GRIP1: variants seen among roughly 807,000 people sequenced by gnomAD.
GRIP1 encodes the protein glutamate receptor-interacting protein 1.
A neutral mutation model predicts 129.9 loss-of-function variants in GRIP1; 45 were observed. The ratio of observed to expected loss-of-function variants is 0.35; its 90% CI spans 0.27 to 0.44. The LOEUF (loss-of-function observed/expected upper bound fraction) is 0.44. Ranked by LOEUF, GRIP1 falls within the 20% of genes least tolerant of loss-of-function variation. GRIP1 has a pLI of 1.00. For synonymous variants in GRIP1, 530 were observed against 520.8 expected (o/e 1.02, Z -0.24); for missense variants, 1,196 against 1,396.8 (o/e 0.86, Z 2.29).
chr12:66,588,736 C>T (rs1255775525), intron 2 of GRIP1, among the ~76,000 whole-genome samples: 15 of 151,846 alleles, frequency 9.9e-5, no homozygotes, highest in Non-Finnish European at 1.8e-4. Flanking sequence ...TTTGGGAGGC[C>T]GAGGCAGGTA....
intron 15 of GRIP1, among the ~76,000 whole-genome samples, chr12:66,410,255 A>AAAG (rs2057347018): frequency 1.3e-5 from 2 of 148,206 alleles, no homozygotes; most frequent in African/African-American, 4.9e-5. Context: ...GTCTCAAAAA[A>AAAG]AAAAAAAAAA....
rs578012033 is a variant in GRIP1, at chr12:66,353,670, T to C, written c.3013-107A>G. On this transcript the variant is annotated intron_variant, in intron 23 of 24. Transcript: ENST00000359742. ...ACACGAATTTAGTCACATCATGATT[T>C]GTAATATCAGCATCAGTCAGCTCCC... 2.5e-5 allele frequency: 25 copies of C among 992,046 alleles called. No individual in the cohort carries two copies. In the South Asian group the frequency reaches 3.2e-4, roughly 13 times the overall value. 61.5% of individuals were successfully genotyped at this position (992,046 alleles called of 1,614,324 possible). A position where few individuals can be genotyped will look rare whatever the true frequency, so the allele number is the denominator to read the frequency against.
At chr12:66,654,812 C>A (rs1422457384) in intron 1 of GRIP1, among the ~76,000 whole-genome samples, 1 of 152,024 alleles carries the variant, frequency 6.6e-6, no homozygotes, top group Non-Finnish European at 1.5e-5. Flanking sequence ...TCATAAGGAA[C>A]AGATTGGGTT....
chr12:66,874,050 G>C (rs1181812317), intron 1 of GRIP1, among the ~76,000 whole-genome samples: 3 of 152,092 alleles, frequency 2.0e-5, no homozygotes, highest in Non-Finnish European at 4.4e-5. Context: ...TCATCAGCAT[G>C]TGATCTGGTG....
At chr12:66,529,794 A>AT (rs746564949) in intron 5 of GRIP1, 37 bp downstream of exon 5, 100 of 1,103,940 alleles carry the variant, frequency 9.1e-5, no homozygotes, top group Non-Finnish European at 1.2e-4. Context: ...CTATGGAAAT[A>AT]TTTTTTTTAA....
upstream of GRIP1, among the ~76,000 whole-genome samples, chr12:66,680,733 C>T (rs894257090): frequency 1.3e-5 from 2 of 152,074 alleles, no homozygotes; most frequent in Non-Finnish European, 2.9e-5. Flanking sequence ...CAAGATTCTT[C>T]TCCAAATCTA....
intron 7 of GRIP1, among the ~76,000 whole-genome samples, chr12:66,472,528 G>T (rs922659739): frequency 6.6e-5 from 10 of 152,136 alleles, no homozygotes; most frequent in African/African-American, 2.4e-4. Context: ...TTATCTGGTG[G>T]CTGGCAAGAT....
intron 1 of GRIP1, among the ~76,000 whole-genome samples, chr12:66,734,085 A>G (rs1565994228): frequency 6.6e-6 from 1 of 152,172 alleles, no homozygotes. Context: ...TTGCTTTGTA[A>G]ATCCTGAGAT....
Position 66,451,383 on chromosome 12 carries a change from GTTTTTTTTTTTTTTTTTTTTTT to G in GRIP1, c.1354+4004_1354+4025del, listed in dbSNP as rs1169331519. Among the ~76,000 whole-genome samples the G allele has an allele frequency of 3.8e-4, 16 of 42,656 alleles. 1 individual carries two copies. The highest frequency in any genetic ancestry group is 1.6e-3 in the South Asian group (2 of 1,272). 28.0% of individuals were successfully genotyped at this position (42,656 alleles called of 152,430 possible). A position where few individuals can be genotyped will look rare whatever the true frequency, so the allele number is the denominator to read the frequency against. ...CCCCAAAGATTTATTATTATAATCT[GTTTTTTTTTTTTTTTTTTTTTT>G]TTTTTTTTTTTTTTTTCAGATAGGC... On this transcript the variant is annotated intron_variant, in intron 11 of 24. Coordinates refer to ENST00000359742, the MANE Select transcript of GRIP1 (RefSeq NM_001366722.1).
chr12:66,833,832 T>C (rs1325013945), intron 1 of GRIP1, among the ~76,000 whole-genome samples: 2 of 152,142 alleles, frequency 1.3e-5, no homozygotes, highest in East Asian at 3.9e-4. Flanking sequence ...AGACAAAATA[T>C]ATCAAAGGCT....
chr12:66,371,566 G>GT, intron 23 of GRIP1, 128 bp downstream of exon 23: 2 of 733,938 alleles, frequency 2.7e-6, no homozygotes, highest in Non-Finnish European at 5.0e-6. Context: ...CTGAAGATCT[G>GT]TTTTTAAGCT....
At chr12:66,839,236 T>C (rs2039671924) in intron 1 of GRIP1, among the ~76,000 whole-genome samples, 1 of 152,076 alleles carries the variant, frequency 6.6e-6, no homozygotes, top group South Asian at 2.1e-4. Context: ...AAAATGGACA[T>C]TTGAAATAAT....
intron 1 of GRIP1, among the ~76,000 whole-genome samples, chr12:66,974,925 T>C (rs1215220143): frequency 6.6e-6 from 1 of 152,224 alleles, no homozygotes; most frequent in East Asian, 1.9e-4. Context: ...ACTGGATCTG[T>C]TATGACTGCT....
chr12:66,998,292 A>C (rs1180063902), intron 1 of GRIP1, among the ~76,000 whole-genome samples: 1 of 152,220 alleles, frequency 6.6e-6, no homozygotes. Flanking sequence ...TGGACCACAG[A>C]GTTTTGAATA....
intron 2 of GRIP1, among the ~76,000 whole-genome samples, chr12:66,586,330 C>T (rs1299997371): frequency 1.3e-5 from 2 of 152,280 alleles, no homozygotes; most frequent in South Asian, 2.1e-4. Flanking sequence ...ACATGTGGCT[C>T]ATAACTTGGA....
intron 1 of GRIP1, among the ~76,000 whole-genome samples, chr12:66,715,917 C>G (rs74098241): frequency 6.6e-6 from 1 of 152,056 alleles, no homozygotes; most frequent in African/African-American, 2.4e-5. Flanking sequence ...AAAGAAGCAT[C>G]GCTCACCCAG....
intron 1 of GRIP1, among the ~76,000 whole-genome samples, chr12:66,929,468 T>C (rs2041351270): frequency 6.6e-6 from 1 of 152,190 alleles, no homozygotes. Context: ...GAACACAAGC[T>C]CAGTAAAGGA....
intron 1 of GRIP1, among the ~76,000 whole-genome samples, chr12:66,643,450 C>T (rs1835475182): frequency 6.6e-6 from 1 of 152,100 alleles, no homozygotes; most frequent in Admixed American, 6.5e-5. Context: ...AATATCAGTA[C>T]ATGAATAAAC....
In GRIP1 at chr12:66,539,230, A is replaced by G; in HGVS notation, c.273-7T>C. The G allele has an allele frequency of 6.2e-7, 1 of 1,614,022 alleles. No homozygotes were observed. Among genetic ancestry groups the G allele is most frequent in the Non-Finnish European group, 8.5e-7 (1 of 1,179,960 alleles). On this transcript the variant is annotated splice_region_variant and splice_polypyrimidine_tract_variant and intron_variant, in intron 3 of 24. Transcript: ENST00000359742. ...CACATCCAGCTGGTCACTTCTGCAA[A>G]ATAGACAATGTTGTTTCAACAGACC...
Sources: gnomAD v4.1 joint callset for allele counts (sites outside exome capture counted in the v4.1 genomes callset) on GRCh38, gnomAD v4.1.1 for gene constraint, MANE v1.5 for transcripts, NCBI Gene and HGNC (gene_info 2026-07-23, HGNC 2026-07-21) for gene names.